The following DEFB112 variants were observed in gnomAD, a reference collection of about 807,000 sequenced individuals.
DEFB112 encodes defensin beta 112.
A neutral mutation model predicts 1.1 loss-of-function variants in DEFB112; 2 were observed. That is an observed-to-expected ratio of 1.85 (90% CI 0.76 to 5.83). The LOEUF (loss-of-function observed/expected upper bound fraction) is 5.83. Among genes scored for constraint, DEFB112 ranks in the 30% most tolerant of loss-of-function variants. The probability of loss-of-function intolerance (pLI) is 0.05; values close to 1 mark genes in which losing one functional copy is unlikely to be tolerated. For synonymous variants in DEFB112, 40 were observed against 31.2 expected, an observed-to-expected ratio of 1.28 and a Z score of -0.93; for missense variants, 120 against 94.4, an observed-to-expected ratio of 1.27 and a Z score of -1.12.
At chr6:50,047,306 G>C (rs1329899976) in intron 1 of DEFB112, among the ~76,000 whole-genome samples, 3 of 152,160 alleles carry the variant, frequency 2.0e-5, no homozygotes, top group African/African-American at 4.8e-5. Flanking sequence ...GGCCATGGGG[G>C]CCTGCTCGGT....
intron 1 of DEFB112, among the ~76,000 whole-genome samples, chr6:50,048,124 G>A (rs1271933990): frequency 6.6e-6 from 1 of 150,934 alleles, no homozygotes; most frequent in Non-Finnish European, 1.5e-5. Flanking sequence ...TCCAGCCTGG[G>A]CAACAAGAGT....
intron 1 of DEFB112, among the ~76,000 whole-genome samples, chr6:50,047,110 C>T (rs1216642211): frequency 6.6e-6 from 1 of 152,130 alleles, no homozygotes; most frequent in Non-Finnish European, 1.5e-5. Context: ...CTCTGGAAAC[C>T]GAGTGTGATT....
chr6:50,048,715 G>A lies in DEFB112; in HGVS notation c.58+1097C>T. ...GAAAAAATTACTTTAAAAGTAGGAG[G>A]AAAAATATTTTCAGAAATAAGGACA... is the stretch of plus-strand genomic sequence containing the variant. On this transcript the variant is annotated intron_variant, in intron 1 of 1. Transcript: ENST00000651554. The A allele has an allele frequency of 5.1e-6, 6 of 1,176,514 alleles. 1 individual carries two copies. In the South Asian group the frequency reaches 6.6e-5, roughly 13 times the overall value. 72.9% of individuals were successfully genotyped at this position (1,176,514 alleles called of 1,614,324 possible).
chr6:50,045,747 C>T (rs1774821064), intron 1 of DEFB112, among the ~76,000 whole-genome samples: 1 of 152,062 alleles, frequency 6.6e-6, no homozygotes, highest in Admixed American at 6.5e-5. Flanking sequence ...TCCTGATCTA[C>T]AAAATGGCAC....
At chr6:50,048,684 TA>T (rs1311898421) in intron 1 of DEFB112, 5 of 1,494,272 alleles carry the variant, frequency 3.3e-6, no homozygotes, top group Non-Finnish European at 4.6e-6. Context: ...GAGCTCACTG[TA>T]AAGTGAAAAA....
intron 1 of DEFB112, among the ~76,000 whole-genome samples, chr6:50,048,177 T>G (rs1369237132): frequency 6.6e-6 from 1 of 151,462 alleles, no homozygotes; most frequent in Admixed American, 6.6e-5. Context: ...TGTCCAGCTG[T>G]TGAGTAGGAG....
At position 50,043,782 on chromosome 6, in the gene DEFB112, A is replaced by G. The variant is rs1375046519; in HGVS notation, c.78T>C (p.His26=). Residue 26 remains histidine (H), a synonymous_variant, in exon 2 of 2, where the codon CAT becomes CAC. Transcript: ENST00000651554. The stretch of plus-strand genomic sequence containing the variant: ...ATGACTTCCACCTACTAAAGGTGAT[A>G]TGGTGCCCTTCACTTCTGGCTGAAA... ...LIPPARSEGH[H]ITFSRWKSCT... 3 of 1,613,426 alleles carry G rather than the reference A, an allele frequency of 1.9e-6. No individual in the cohort carries two copies. In the South Asian group the frequency reaches 3.3e-5, roughly 18 times the overall value.
At position 50,043,659 on chromosome 6, in the gene DEFB112, T is replaced by C. The variant is rs1257605647; in HGVS notation, c.201A>G (p.Glu67=). 1.9e-6 allele frequency: 3 copies of C among 1,613,626 alleles called. No individual in the cohort carries two copies. The highest frequency in any genetic ancestry group is 1.7e-6 in the Non-Finnish European group (2 of 1,179,624). ...ARPTTHCCVT[E]CDPTDPNNWI... is the part of the protein sequence containing the mutation. ...AATTATTTGGGTCCGTAGGGTCACA[T>C]TCTGTCACGCAGCAATGAGTTGTAG... The change falls in exon 2 of 2, where the codon GAA becomes GAG. Residue 67 remains glutamate, a synonymous_variant. Transcript: ENST00000651554.
Position 50,049,311 on chromosome 6 carries a change from T to A in DEFB112, c.58+501A>T, listed in dbSNP as rs567868353. Among the ~76,000 whole-genome samples, 4 of 152,164 alleles carry A rather than the reference T, an allele frequency of 2.6e-5. No homozygotes were observed. In the South Asian group the frequency reaches 8.3e-4, roughly 31 times the overall value. On this transcript the variant is annotated intron_variant, in intron 1 of 1. Coordinates refer to ENST00000651554, the MANE Select transcript of DEFB112 (RefSeq NM_001369057.2). The stretch of plus-strand genomic sequence containing the variant: ...AGATAAAGAAAAAGGAGAATTTAAC[T>A]GGAAGTGAGCAGTAGACAAGTGCAG...
intron 1 of DEFB112, among the ~76,000 whole-genome samples, chr6:50,046,118 T>C (rs1774828072): frequency 6.6e-6 from 1 of 152,066 alleles, no homozygotes; most frequent in Admixed American, 6.6e-5. Flanking sequence ...AGCTAAGCTA[T>C]GATGTTCTGC....
chr6:50,043,832 T>A, intron 1 of DEFB112, 31 bp from the exon 2 acceptor site: 2 of 1,588,256 alleles, frequency 1.3e-6, no homozygotes, highest in Non-Finnish European at 1.7e-6. Context: ...CTGGAATTAG[T>A]AATCTAGGTG....
rs970855146 is a variant in DEFB112, at chr6:50,042,274, T to C, written c.*1301A>G. Reference sequence around the variant, plus strand: ...CCAAATTGACACTGGTCAGAGAGCATAGTATTATACATATCAGGAATATCA... The same window carrying C: ...CCAAATTGACACTGGTCAGAGAGCACAGTATTATACATATCAGGAATATCA... On this transcript the variant is annotated 3_prime_UTR_variant, in exon 2 of 2. Transcript: ENST00000651554. 7.9e-5 allele frequency among the ~76,000 whole-genome samples: 12 copies of C among 152,008 alleles called. No individual in the cohort carries two copies. Among genetic ancestry groups the C allele is most frequent in the African/African-American group, 2.9e-4 (12 of 41,410 alleles).
At chr6:50,048,967 T>G (rs1221856022) in intron 1 of DEFB112, among the ~76,000 whole-genome samples, 1 of 152,088 alleles carries the variant, frequency 6.6e-6, no homozygotes, top group Non-Finnish European at 1.5e-5. Flanking sequence ...CTATCAGTGT[T>G]TATTGAAATC....
chr6:50,043,944 G>GA (rs1172539126), intron 1 of DEFB112, 143 bp from the exon 2 acceptor site: 2 of 679,812 alleles, frequency 2.9e-6, no homozygotes, highest in African/African-American at 3.6e-5. Flanking sequence ...CCATATCAGA[G>GA]AAAATCAAGG....
intron 1 of DEFB112, among the ~76,000 whole-genome samples, chr6:50,047,997 A>C (rs1774863059): frequency 6.6e-6 from 1 of 151,902 alleles, no homozygotes; most frequent in Non-Finnish European, 1.5e-5. Context: ...AATACAAAAA[A>C]TTAGCGGGGC....
intron 1 of DEFB112, 69 bp from the exon 2 acceptor site, chr6:50,043,870 T>C (rs955333550): frequency 1.5e-6 from 2 of 1,318,502 alleles, no homozygotes; most frequent in African/African-American, 2.9e-5. Flanking sequence ...AAAGAAGACA[T>C]GGGAGTAATC....
chr6:50,047,513 C>T (rs2113959284), intron 1 of DEFB112, among the ~76,000 whole-genome samples: 1 of 152,232 alleles, frequency 6.6e-6, no homozygotes, highest in Non-Finnish European at 1.5e-5. Flanking sequence ...TGTAATCTAC[C>T]CAAGTGCTGT....
At position 50,042,699 on chromosome 6, in the gene DEFB112, C is replaced by T. The variant is rs942013693; in HGVS notation, c.*876G>A. Among the ~76,000 whole-genome samples, 1 of 151,908 alleles carries T rather than the reference C, an allele frequency of 6.6e-6. No homozygotes were observed. The highest frequency in any genetic ancestry group is 2.4e-5 in the African/African-American group (1 of 41,380). ...TGAGGTATTAAGACCAACTGCTGAC[C>T]CTTTCCCTCAAGGCCACAATTTAGC... On this transcript the variant is annotated 3_prime_UTR_variant, in exon 2 of 2. Coordinates refer to ENST00000651554, the MANE Select transcript of DEFB112 (RefSeq NM_001369057.2).
At chr6:50,047,045 G>A (rs1434751097) in intron 1 of DEFB112, among the ~76,000 whole-genome samples, 1 of 152,154 alleles carries the variant, frequency 6.6e-6, no homozygotes, top group Non-Finnish European at 1.5e-5. Flanking sequence ...GGTCAGCTTG[G>A]TGTTGGGGGG....
Sources: allele counts gnomAD v4.1 joint callset (sites outside exome capture counted in the v4.1 genomes callset), GRCh38; gene constraint gnomAD v4.1.1; transcripts MANE v1.5; gene names NCBI Gene and HGNC (gene_info 2026-07-23, HGNC 2026-07-21).